Variants in CHRNA7 observed in about 807,000 individuals in gnomAD.
CHRNA7 encodes neuronal acetylcholine receptor subunit alpha-7.
CHRNA7 carries 17 observed loss-of-function variants against 48.0 expected under a neutral mutation model. The observed-to-expected ratio is 0.35, with a 90% CI of 0.24 to 0.53. The LOEUF is 0.53. Ranked by LOEUF, CHRNA7 falls within the 20% of genes least tolerant of loss-of-function variation. CHRNA7 has a pLI of 0.92. For synonymous variants in CHRNA7, 75 were observed against 242.3 expected, an observed-to-expected ratio of 0.31 and a Z score of 6.41; for missense variants, 155 against 577.7, an observed-to-expected ratio of 0.27 and a Z score of 7.50.
intron 2 of CHRNA7, among the ~76,000 whole-genome samples, chr15:32,073,703 A>G (rs2050092876): frequency 6.6e-6 from 1 of 152,120 alleles, no homozygotes; most frequent in African/African-American, 2.4e-5. Flanking sequence ...TAATAAGTTC[A>G]TGCAAGAACT....
intron 2 of CHRNA7, among the ~76,000 whole-genome samples, chr15:32,052,058 A>T (rs2049694012): frequency 6.6e-6 from 1 of 152,130 alleles, no homozygotes; most frequent in Non-Finnish European, 1.5e-5. Flanking sequence ...TTAGCCTCTT[A>T]AGCATTATTA....
At chr15:32,072,536 G>A (rs2050074206) in intron 2 of CHRNA7, among the ~76,000 whole-genome samples, 1 of 152,240 alleles carries the variant, frequency 6.6e-6, no homozygotes. Flanking sequence ...TAATAGCCAA[G>A]ACAATGGGGA....
At chr15:32,151,026 T>C (rs960279605) in intron 4 of CHRNA7, among the ~76,000 whole-genome samples, 1 of 151,954 alleles carries the variant, frequency 6.6e-6, no homozygotes, top group Non-Finnish European at 1.5e-5. Context: ...TCCCCCTTTT[T>C]CCCCCTTATC....
At chr15:32,152,018 G>A (rs2051639964) in intron 4 of CHRNA7, among the ~76,000 whole-genome samples, 1 of 152,184 alleles carries the variant, frequency 6.6e-6, no homozygotes, top group African/African-American at 2.4e-5. Context: ...TTTTTTTGAG[G>A]TGGTTTATTT....
intron 4 of CHRNA7, among the ~76,000 whole-genome samples, chr15:32,135,242 A>G (rs1240900394): frequency 6.6e-6 from 1 of 152,248 alleles, no homozygotes; most frequent in African/African-American, 2.4e-5. Context: ...TGGGAGAAAT[A>G]TTAAAAGATT....
intron 2 of CHRNA7, among the ~76,000 whole-genome samples, chr15:32,037,816 A>G (rs921438926): frequency 6.6e-6 from 1 of 151,488 alleles, no homozygotes; most frequent in South Asian, 2.1e-4. Context: ...TTGGTCAGTT[A>G]TTTTGGGTTT....
chr15:32,046,690 A>G (rs1311457073), intron 2 of CHRNA7, among the ~76,000 whole-genome samples: 1 of 135,884 alleles, frequency 7.4e-6, no homozygotes, highest in African/African-American at 3.1e-5. Flanking sequence ...TCCATTTGTC[A>G]ATTTTGGCTT....
At chr15:32,107,436 A>G (rs1226896040) in intron 3 of CHRNA7, among the ~76,000 whole-genome samples, 1 of 150,118 alleles carries the variant, frequency 6.7e-6, no homozygotes, top group Non-Finnish European at 1.5e-5. Context: ...AATAATATAC[A>G]AACTTATTTA....
intron 4 of CHRNA7, among the ~76,000 whole-genome samples, chr15:32,124,289 G>A (rs1316410358): frequency 6.6e-6 from 1 of 152,060 alleles, no homozygotes; most frequent in African/African-American, 2.4e-5. Context: ...CGTAAAAAGG[G>A]ACAAAATGAA....
At chr15:32,100,853 G>C (rs1266787985) in intron 2 of CHRNA7, 1 of 175,646 alleles carries the variant, frequency 5.7e-6, no homozygotes, top group Non-Finnish European at 1.2e-5. Flanking sequence ...ACAGGGCCAT[G>C]GCCCCTTTCC....
intron 3 of CHRNA7, chr15:32,101,584 A>AATGTGGGG (rs2050574460): frequency 2.0e-6 from 1 of 495,488 alleles, no homozygotes; most frequent in Non-Finnish European, 3.5e-6. Flanking sequence ...AGGACAAGGT[A>AATGTGGGG]ATGTGGGGAC....
chr15:32,102,746 C>T (rs1415841164), intron 3 of CHRNA7: 1 of 152,128 alleles, frequency 6.6e-6, no homozygotes, highest in Non-Finnish European at 1.5e-5. Context: ...CACTTCAATT[C>T]TGTTGCTGTT....
intron 3 of CHRNA7, chr15:32,103,096 T>A (rs1016605519): frequency 6.6e-6 from 1 of 152,166 alleles, no homozygotes; most frequent in Non-Finnish European, 1.5e-5. Context: ...CCCTTCTTTA[T>A]AAAGTTGAAT....
At chr15:32,123,186 T>G (rs2051003578) in intron 4 of CHRNA7, among the ~76,000 whole-genome samples, 1 of 152,224 alleles carries the variant, frequency 6.6e-6, no homozygotes. Flanking sequence ...TGTTGTTAAA[T>G]GGTTTTTGTT....
At chr15:32,142,494 G>C (rs1048397646) in intron 4 of CHRNA7, among the ~76,000 whole-genome samples, 1 of 152,148 alleles carries the variant, frequency 6.6e-6, no homozygotes, top group Non-Finnish European at 1.5e-5. Flanking sequence ...CCGAAGAAAT[G>C]GTACCGGCTC....
intron 2 of CHRNA7, among the ~76,000 whole-genome samples, chr15:32,074,682 C>T (rs917704049): frequency 6.9e-6 from 1 of 144,874 alleles, no homozygotes; most frequent in African/African-American, 2.7e-5. Flanking sequence ...GAGACAGAGT[C>T]TCCCTCTTGT....
At chr15:32,128,846 G>A (rs186674120) in intron 4 of CHRNA7, among the ~76,000 whole-genome samples, 153 of 151,948 alleles carry the variant, frequency 1.0e-3, no homozygotes, top group Middle Eastern at 3.4e-3. Flanking sequence ...ATCTTATGGC[G>A]AAAGCATCCA....
intron 2 of CHRNA7, among the ~76,000 whole-genome samples, chr15:32,057,544 C>A (rs983687531): frequency 5.9e-5 from 9 of 152,062 alleles, no homozygotes; most frequent in African/African-American, 2.2e-4. Context: ...AAATATATTT[C>A]GGGTTTTGAA....
chr15:32,089,685 A>G (rs1468892901), intron 2 of CHRNA7, among the ~76,000 whole-genome samples: 4 of 152,162 alleles, frequency 2.6e-5, no homozygotes, highest in African/African-American at 9.7e-5. Flanking sequence ...CATTTGTATC[A>G]TATCTAAGTC....
Sources: gnomAD v4.1 joint callset for allele counts (sites outside exome capture counted in the v4.1 genomes callset) on GRCh38, gnomAD v4.1.1 for gene constraint, MANE v1.5 for transcripts, NCBI Gene and HGNC (gene_info 2026-07-23, HGNC 2026-07-21) for gene names.